Variants in GMDS observed in about 807,000 individuals in gnomAD.
GMDS encodes the protein GDP-mannose 4,6 dehydratase.
GMDS carries 20 observed loss-of-function variants against 49.9 expected under a neutral mutation model. The ratio of observed to expected loss-of-function variants is 0.40; its 90% CI spans 0.28 to 0.58. GMDS has a LOEUF of 0.58. Among genes scored for constraint, GMDS ranks in the 20% least tolerant of loss-of-function variants. GMDS has a pLI of 0.42. For synonymous variants in GMDS, 177 were observed against 178.6 expected (o/e 0.99, Z 0.07); for missense variants, 362 against 481.4 (o/e 0.75, Z 2.32).
intron 9 of GMDS, chr6:1,679,443 G>A (rs1488403468): frequency 6.6e-6 from 1 of 152,254 alleles, no homozygotes; most frequent in Non-Finnish European, 1.5e-5. Context: ...CTGAACAACT[G>A]GCATGGTGCT....
chr6:1,758,711 C>T (rs1377083050), intron 7 of GMDS, among the ~76,000 whole-genome samples: 1 of 152,188 alleles, frequency 6.6e-6, no homozygotes, highest in Non-Finnish European at 1.5e-5. Context: ...CTGAGAAACT[C>T]TGTGTCTAGA....
chr6:2,243,843 C>CT (rs68171156), intron 1 of GMDS, among the ~76,000 whole-genome samples: 1,316 of 58,150 alleles, frequency 0.023, 158 homozygotes, highest in Non-Finnish European at 0.029. Context: ...ACTTCTCCTT[C>CT]TTTTTTTTTT....
At chr6:2,051,598 G>C (rs757081737) in intron 4 of GMDS, among the ~76,000 whole-genome samples, 1 of 152,132 alleles carries the variant, frequency 6.6e-6, no homozygotes, top group Non-Finnish European at 1.5e-5. Flanking sequence ...AGTGAGATTG[G>C]TCTGTAATGT....
At chr6:2,076,650 A>C (rs1772358207) in intron 4 of GMDS, among the ~76,000 whole-genome samples, 1 of 152,228 alleles carries the variant, frequency 6.6e-6, no homozygotes, top group African/African-American at 2.4e-5. Context: ...GACAAAAATA[A>C]GCAATGGGGA....
At chr6:2,050,433 G>C (rs919761830) in intron 4 of GMDS, among the ~76,000 whole-genome samples, 2 of 152,246 alleles carry the variant, frequency 1.3e-5, no homozygotes, top group Non-Finnish European at 2.9e-5. Context: ...ATTCACAGCC[G>C]AATTCTACCA....
intron 1 of GMDS, among the ~76,000 whole-genome samples, chr6:2,212,468 A>G (rs1217600435): frequency 6.6e-6 from 1 of 152,226 alleles, no homozygotes; most frequent in Non-Finnish European, 1.5e-5. Context: ...CAAAAACATT[A>G]CAACAATTTT....
chr6:1,899,692 T>C (rs1243995690), intron 7 of GMDS, among the ~76,000 whole-genome samples: 2 of 152,368 alleles, frequency 1.3e-5, no homozygotes, highest in Admixed American at 1.3e-4. Flanking sequence ...CACACTGTTT[T>C]GTAAACATGA....
chr6:1,816,204 T>C (rs1770664842), intron 7 of GMDS, among the ~76,000 whole-genome samples: 1 of 152,204 alleles, frequency 6.6e-6, no homozygotes, highest in Admixed American at 6.5e-5. Flanking sequence ...TCGGTATTTA[T>C]GAGAGCCTAC....
At chr6:2,168,762 C>A (rs1777798167) in intron 1 of GMDS, among the ~76,000 whole-genome samples, 1 of 152,142 alleles carries the variant, frequency 6.6e-6, no homozygotes, top group African/African-American at 2.4e-5. Flanking sequence ...TGTTTCTAAA[C>A]ATAAATTTAA....
At chr6:1,952,085 C>A (rs1763367329) in intron 6 of GMDS, 1 of 653,984 alleles carries the variant, frequency 1.5e-6, no homozygotes, top group Non-Finnish European at 1.9e-6. Context: ...ATTGGCTTCA[C>A]GACCTTGGAC....
At chr6:2,168,443 G>A (rs1777781220) in intron 1 of GMDS, among the ~76,000 whole-genome samples, 1 of 152,174 alleles carries the variant, frequency 6.6e-6, no homozygotes, top group South Asian at 2.1e-4. Context: ...AGAATGTGAG[G>A]CAAGAAAATC....
At chr6:2,241,436 G>A (rs1561684461) in intron 1 of GMDS, among the ~76,000 whole-genome samples, 1 of 152,136 alleles carries the variant, frequency 6.6e-6, no homozygotes, top group Non-Finnish European at 1.5e-5. Context: ...ATGAGATCTG[G>A]GGGGTCAGGG....
At chr6:2,052,641 A>G (rs1770487292) in intron 4 of GMDS, among the ~76,000 whole-genome samples, 1 of 152,246 alleles carries the variant, frequency 6.6e-6, no homozygotes, top group Non-Finnish European at 1.5e-5. Flanking sequence ...GTGGTCAGGA[A>G]ACACATGGTC....
At chr6:1,898,902 C>G (rs1202974876) in intron 7 of GMDS, among the ~76,000 whole-genome samples, 1 of 152,142 alleles carries the variant, frequency 6.6e-6, no homozygotes, top group East Asian at 1.9e-4. Flanking sequence ...ACGGAACTTA[C>G]AGCCAACAAT....
intron 4 of GMDS, among the ~76,000 whole-genome samples, chr6:2,082,809 G>A (rs1772792273): frequency 6.6e-6 from 1 of 152,176 alleles, no homozygotes; most frequent in East Asian, 1.9e-4. Flanking sequence ...ACTGTGGGTT[G>A]CACTCATTTA....
intron 1 of GMDS, among the ~76,000 whole-genome samples, chr6:2,207,099 A>G (rs1358858275): frequency 6.6e-6 from 1 of 152,238 alleles, no homozygotes; most frequent in African/African-American, 2.4e-5. Context: ...TCCAACACAC[A>G]TCATGTAAAA....
chr6:1,700,562 G>C (rs1035182792), intron 9 of GMDS, among the ~76,000 whole-genome samples: 4 of 152,192 alleles, frequency 2.6e-5, no homozygotes, highest in African/African-American at 9.7e-5. Context: ...GTCAGGAGCT[G>C]CACGGCCACA....
At chr6:1,949,028 TA>T in intron 6 of GMDS, 1 of 959,662 alleles carries the variant, frequency 1.0e-6, no homozygotes, top group Non-Finnish European at 1.2e-6. Context: ...GCAATCCCAC[TA>T]ACAGAGCTGC....
chr6:2,057,678 T>C (rs1230810111), intron 4 of GMDS, among the ~76,000 whole-genome samples: 1 of 152,160 alleles, frequency 6.6e-6, no homozygotes, highest in African/African-American at 2.4e-5. Flanking sequence ...TATAGTAAAA[T>C]TGAAGAAATA....
Sources: allele counts gnomAD v4.1 joint callset (sites outside exome capture counted in the v4.1 genomes callset), GRCh38; gene constraint gnomAD v4.1.1; transcripts MANE v1.5; gene names NCBI Gene and HGNC (gene_info 2026-07-23, HGNC 2026-07-21).